RPL21: variants seen among roughly 807,000 people sequenced by gnomAD.
RPL21 encodes the protein large ribosomal subunit protein eL21.
RPL21 carries 1 observed loss-of-function variant against 21.2 expected under a neutral mutation model. The observed-to-expected ratio is 0.05, with a 90% CI of 0.02 to 0.22. RPL21 has a LOEUF of 0.22. Ranked by LOEUF, RPL21 falls within the 10% of genes least tolerant of loss-of-function variation. The probability of loss-of-function intolerance (pLI) is 1.00; values close to 1 mark genes in which losing one functional copy is unlikely to be tolerated. For synonymous variants in RPL21, 52 were observed against 62.9 expected, an observed-to-expected ratio of 0.83 and a Z score of 0.82; for missense variants, 113 against 199.4, an observed-to-expected ratio of 0.57 and a Z score of 2.61.
chr13:27,253,794 A>T lies in RPL21; in HGVS notation c.18A>T (p.Gly6=). Residue 6 remains glycine (G), a synonymous_variant, in exon 2 of 6, where the codon GGA becomes GGT. Transcript: ENST00000311549. ...TCGCCAAAATGACGAACACAAAGGG[A>T]AAGAGGAGAGGCACCCGATATATGT... MTNTK[G]KRRGTRYMFS... is the part of the protein sequence containing the mutation. 6.2e-7 allele frequency: 1 copy of T among 1,607,704 alleles called. No individual in the cohort carries two copies.
rs1881783324 is a variant in RPL21, at chr13:27,254,256, A to G, written c.104A>G (p.Lys35Arg). 1 of 1,599,112 alleles carries G rather than the reference A, an allele frequency of 6.3e-7. No homozygotes were observed. Among genetic ancestry groups the G allele is most frequent in the Admixed American group, 1.7e-5 (1 of 59,970 alleles). Residue 35 changes from lysine to arginine, a missense_variant, in exon 3 of 6, where the codon AAG becomes AGG. Lys to Arg is a conservative substitution (Grantham distance 26, BLOSUM62 2). Transcript: ENST00000311549. ...VPLATYMRIY[K>R]KGDIVDIKGM... Reference sequence around the variant, plus strand: ...TTGGCCACATATATGCGAATCTATAAGAAAGGTGATATTGTAGACATCAAG... The same window carrying G: ...TTGGCCACATATATGCGAATCTATAGGAAAGGTGATATTGTAGACATCAAG...
At chr13:27,255,070 A>C in intron 3 of RPL21, 172 bp from the exon 4 acceptor site, 1 of 764,948 alleles carries the variant, frequency 1.3e-6, no homozygotes, top group Non-Finnish European at 2.4e-6. Flanking sequence ...CTCGAGCTTA[A>C]TGATGACTGT....
chr13:27,252,033 A>C (rs1209028309), intron 1 of RPL21, among the ~76,000 whole-genome samples: 1 of 152,006 alleles, frequency 6.6e-6, no homozygotes, highest in African/African-American at 2.4e-5. Context: ...GTGAGGACTT[A>C]AGGGGTAGTA....
At chr13:27,253,111 A>G (rs976909181) in intron 1 of RPL21, among the ~76,000 whole-genome samples, 4 of 152,364 alleles carry the variant, frequency 2.6e-5, no homozygotes, top group Middle Eastern at 3.4e-3. Context: ...TACCTCAGCT[A>G]CGAAAGTGTT....
In RPL21 at chr13:27,254,238, CAT is replaced by C; in HGVS notation, c.91_92del (p.Met31AlafsTer4). 1 of 1,599,422 alleles carries C rather than the reference CAT, an allele frequency of 6.3e-7. No homozygotes were observed. The highest frequency in any genetic ancestry group is 8.6e-7 in the Non-Finnish European group (1 of 1,166,872). ...TTTGTAGGAGTTGTTCCTTTGGCCA[CAT>C]ATATGCGAATCTATAAGAAAGGTGA... On this transcript the variant is annotated frameshift_variant, in exon 3 of 6. Coordinates refer to ENST00000311549, the MANE Select transcript of RPL21 (RefSeq NM_000982.4). LOFTEE classifies it high-confidence loss of function.
At chr13:27,253,667 C>G (rs532962789) in intron 1 of RPL21, 98 bp from the exon 2 acceptor site, 3 of 733,122 alleles carry the variant, frequency 4.1e-6, no homozygotes, top group African/African-American at 1.7e-5. Flanking sequence ...GTTTGCAGTT[C>G]TCACTTCGCT....
intron 4 of RPL21, 95 bp downstream of exon 4, chr13:27,255,449 C>T: frequency 1.3e-6 from 1 of 776,212 alleles, no homozygotes. Context: ...ATTGGTCATT[C>T]AAGTGGGGCA....
chr13:27,253,532 A>G (rs764193899), intron 1 of RPL21, among the ~76,000 whole-genome samples: 1 of 152,236 alleles, frequency 6.6e-6, no homozygotes, highest in Non-Finnish European at 1.5e-5. Flanking sequence ...TTCTCGTATC[A>G]AGTTCTGCTC....
chr13:27,251,617 G>A (rs1190112454), intron 1 of RPL21, 32 bp downstream of exon 1: 2 of 152,272 alleles, frequency 1.3e-5, no homozygotes, highest in African/African-American at 4.8e-5. Flanking sequence ...CGGGCGCTAG[G>A]TGTTCGACAG....
chr13:27,255,401 T>C (rs1881851480), intron 4 of RPL21, 47 bp downstream of exon 4: 2 of 817,934 alleles, frequency 2.4e-6, no homozygotes, highest in African/African-American at 1.7e-5. Context: ...TTCCCTCATA[T>C]ACCCCCTTTT....
At position 27,256,462 on chromosome 13, in the gene RPL21, T is replaced by A; in HGVS notation, c.420T>A (p.Phe140Leu). Residue 140 changes from phenylalanine to leucine, a missense_variant, in exon 6 of 6, where the codon TTT becomes TTA. Transcript: ENST00000311549. ...CTGCTCCACCCAGAGAAGCACACTT[T>A]GTGAGAACCAATGGGAAGGAGCCTG... ...RQPAPPREAH[F>L]VRTNGKEPEL... The A allele has an allele frequency of 6.3e-7, 1 of 1,580,576 alleles. No individual in the cohort carries two copies. Among genetic ancestry groups the A allele is most frequent in the Non-Finnish European group, 8.7e-7 (1 of 1,149,718 alleles).
At chr13:27,254,456 C>T (rs1016241006) in intron 3 of RPL21, 175 bp downstream of exon 3, 9 of 553,440 alleles carry the variant, frequency 1.6e-5, no homozygotes, top group African/African-American at 1.3e-4. Flanking sequence ...AGTGCAATGG[C>T]ATGATCTCAC....
chr13:27,255,221 T>C, intron 3 of RPL21, 21 bp from the exon 4 acceptor site: 1 of 929,670 alleles, frequency 1.1e-6, no homozygotes, highest in Non-Finnish European at 1.8e-6. Flanking sequence ...TGCTGGTATA[T>C]AACATTGGTT....
rs756699442 is a variant in RPL21 at position 27,255,199 on chromosome 13, AG to A, written c.130-41del. ...CAGTTACTTAAAGTCAGAATTTTAA[AG>A]GAAGGGGAAATGCTGGTATATAACA... On this transcript the variant is annotated intron_variant, in intron 3 of 5. Transcript: ENST00000311549. 3.4e-5 allele frequency: 29 copies of A among 840,756 alleles called. No individual in the cohort carries two copies. In the African/African-American group the frequency reaches 4.5e-4, roughly 13 times the overall value. 52.1% of individuals were successfully genotyped at this position (840,756 alleles called of 1,614,324 possible). A position where few individuals can be genotyped will look rare whatever the true frequency, so the allele number is the denominator to read the frequency against.
intron 1 of RPL21, among the ~76,000 whole-genome samples, chr13:27,253,002 A>G (rs570307560): frequency 6.6e-6 from 1 of 152,364 alleles, no homozygotes; most frequent in African/African-American, 2.4e-5. Context: ...GTTAATTTCT[A>G]AATGCCTGTA....
At chr13:27,255,453 T>C (rs758659089) in intron 4 of RPL21, 99 bp downstream of exon 4, 2 of 775,568 alleles carry the variant, frequency 2.6e-6, no homozygotes, top group Non-Finnish European at 4.8e-6. Context: ...GTCATTCAAG[T>C]GGGGCAAAGG....
chr13:27,254,325 G>T (rs1467456922), intron 3 of RPL21, 44 bp downstream of exon 3: 1 of 1,162,472 alleles, frequency 8.6e-7, no homozygotes, highest in African/African-American at 1.5e-5. Context: ...AGATAGAAAA[G>T]TTGGATTTAA....
At chr13:27,255,550 T>C (rs1389584124) in intron 4 of RPL21, 196 bp downstream of exon 4, 1 of 745,590 alleles carries the variant, frequency 1.3e-6, no homozygotes, top group East Asian at 2.5e-5. Context: ...CTGGAAAGTC[T>C]TACACAGTTA....
Position 27,256,409 on chromosome 13 carries a change from T to G in RPL21, c.394-27T>G, listed in dbSNP as rs973993493. 9 of 1,572,716 alleles carry G rather than the reference T, an allele frequency of 5.7e-6. No homozygotes were observed. The Admixed American group carries it at 8.4e-5, about 15-fold the overall frequency. ...AGATTTAACACATCACATAATTATTTTATTCCCTTTTTTTTTCCTTTAATA... is the reference window on the plus strand; with the variant it reads ...AGATTTAACACATCACATAATTATTGTATTCCCTTTTTTTTTCCTTTAATA... On this transcript the variant is annotated intron_variant, in intron 5 of 5. Coordinates refer to ENST00000311549, the MANE Select transcript of RPL21 (RefSeq NM_000982.4).
Sources: allele counts gnomAD v4.1 joint callset (sites outside exome capture counted in the v4.1 genomes callset), GRCh38; gene constraint gnomAD v4.1.1; transcripts MANE v1.5; gene names NCBI Gene and HGNC (gene_info 2026-07-23, HGNC 2026-07-21).